The following ZKSCAN2 variants were observed in gnomAD, a reference collection of about 807,000 sequenced individuals.
The protein encoded by ZKSCAN2 is zinc finger with KRAB and SCAN domains 2.
ZKSCAN2 carries 38 observed loss-of-function variants against 90.5 expected under a neutral mutation model. The ratio of observed to expected loss-of-function variants is 0.42; its 90% confidence interval spans 0.32 to 0.55. ZKSCAN2 has a LOEUF of 0.55. Ranked by LOEUF, ZKSCAN2 falls within the 20% of genes least tolerant of loss-of-function variation. ZKSCAN2 has a pLI of 0.11. For synonymous variants in ZKSCAN2, 429 were observed against 421.6 expected (o/e 1.02, Z -0.22); for missense variants, 1,167 against 1,202.6 (o/e 0.97, Z 0.44).
At chr16:25,255,473 GA>G (rs1963087223) in intron 1 of ZKSCAN2, 81 bp from the exon 2 acceptor site, 4 of 1,416,492 alleles carry the variant, frequency 2.8e-6, no homozygotes, top group Non-Finnish European at 3.8e-6. Context: ...AGACATCAAA[GA>G]AGGACAGAGA....
intron 5 of ZKSCAN2, among the ~76,000 whole-genome samples, chr16:25,244,625 C>A (rs1456800695): frequency 1.3e-5 from 2 of 152,136 alleles, no homozygotes; most frequent in Admixed American, 1.3e-4. Flanking sequence ...ATGCAGTCCC[C>A]CAAATCTGCC....
chr16:25,254,962 ATTTT>A (rs34441096), intron 2 of ZKSCAN2, among the ~76,000 whole-genome samples: 1 of 145,372 alleles, frequency 6.9e-6, no homozygotes. Context: ...CCTGGCTAAT[ATTTT>A]TTTTTTTTTT....
In ZKSCAN2 at chr16:25,257,609, A is replaced by T; in HGVS notation, c.-482T>A. The T allele has an allele frequency of 4.1e-6, 3 of 723,602 alleles. No homozygotes were observed. The highest frequency in any genetic ancestry group is 5.1e-6 in the Non-Finnish European group (3 of 590,770). The allele number at this position is 723,602 out of a possible 1,614,324, so 44.8% of individuals were successfully genotyped here. A position where few individuals can be genotyped will look rare whatever the true frequency, so the allele number is the denominator to read the frequency against. On this transcript the variant is annotated 5_prime_UTR_variant, in exon 1 of 7. Transcript: ENST00000328086. ...GGGCTCGGGTCACCGCAGCACGTCC[A>T]GGCCGCCGCGGGTGCCGCTGGGGCC... is the stretch of plus-strand genomic sequence containing the variant.
Position 25,257,501 on chromosome 16 carries a change from C to T in ZKSCAN2, c.-374G>A, listed in dbSNP as rs1963127456. 8 of 998,514 alleles carry T rather than the reference C, an allele frequency of 8.0e-6. No homozygotes were observed. Among genetic ancestry groups the T allele is most frequent in the South Asian group, 4.6e-5 (1 of 21,622 alleles). The allele number at this position is 998,514 out of a possible 1,614,324, so 61.9% of individuals were successfully genotyped here. ...CAGCCGGGCCGGGAGGGGGTGTGTC[C>T]GCTACTCCCGGGTCGGGCGCGGAGA... On this transcript the variant is annotated 5_prime_UTR_variant, in exon 1 of 7. Transcript: ENST00000328086.
In ZKSCAN2 at chr16:25,256,808, T is replaced by C. The variant is rs769362356; in HGVS notation, c.320A>G (p.Lys107Arg). ...LPEKIQAWAQ[K>R]QCPQSGEEAV... ...TTCCTCTCCACTTTGCGGACACTGC[T>C]TCTGTGCCCAAGCCTGAATCTTCTC... The change falls in exon 1 of 7, where the codon AAG becomes AGG. Residue 107 changes from lysine to arginine, a missense_variant. Coordinates refer to ENST00000328086, the MANE Select transcript of ZKSCAN2 (RefSeq NM_001012981.5). 6.2e-7 allele frequency: 1 copy of C among 1,614,210 alleles called. No individual in the cohort carries two copies. Among genetic ancestry groups the C allele is most frequent in the Non-Finnish European group, 8.5e-7 (1 of 1,180,038 alleles).
At position 25,251,953 on chromosome 16, in the gene ZKSCAN2, TAGAGGTC is replaced by T; in HGVS notation, c.754_760del (p.Asp252ThrfsTer25). On this transcript the variant is annotated frameshift_variant, in exon 4 of 7. Transcript: ENST00000328086. LOFTEE classifies it high-confidence loss of function. The stretch of plus-strand genomic sequence containing the variant: ...AACATTCTCCTTCCTGAAATCCCGG[TAGAGGTC>T]CCTTTGGGCAGGAATCTGATGCACA... 6.2e-7 allele frequency: 1 copy of T among 1,614,022 alleles called. No homozygotes were observed. The highest frequency in any genetic ancestry group is 8.5e-7 in the Non-Finnish European group (1 of 1,179,974).
chr16:25,251,773 G>T, intron 4 of ZKSCAN2, 136 bp downstream of exon 4: 1 of 954,438 alleles, frequency 1.0e-6, no homozygotes, highest in Non-Finnish European at 1.5e-6. Flanking sequence ...AAGAGAACCT[G>T]GCTAAGTGAT....
chr16:25,241,573 C>G (rs747099557), intron 6 of ZKSCAN2, among the ~76,000 whole-genome samples: 1 of 152,230 alleles, frequency 6.6e-6, no homozygotes. Flanking sequence ...TTCATTTCCA[C>G]GCCCACATAC....
In ZKSCAN2 at chr16:25,246,785, C is replaced by T; in HGVS notation, c.1411G>A (p.Asp471Asn). The T allele has an allele frequency of 6.2e-7, 1 of 1,614,210 alleles. No individual in the cohort carries two copies. The highest frequency in any genetic ancestry group is 8.5e-7 in the Non-Finnish European group (1 of 1,180,040). ...AATTCGATGCCTATTTCATCATCAT[C>T]AGAATCTTCTGCAGCTTCCTCCTCC... ...VEEEEAAEDS[D>N]DDEIGIEFIR... The change falls in exon 5 of 7, where the codon GAT (aspartate) becomes AAT (asparagine). Residue 471 changes from aspartate (D) to asparagine (N), a missense_variant. By Grantham distance (23) the Asp-to-Asn change is conservative. Transcript: ENST00000328086.
At chr16:25,248,903 T>C (rs1447578930) in intron 4 of ZKSCAN2, among the ~76,000 whole-genome samples, 3 of 152,186 alleles carry the variant, frequency 2.0e-5, no homozygotes, top group East Asian at 3.8e-4. Flanking sequence ...GGAGGCTGAA[T>C]GGATAAAGAA....
In ZKSCAN2 at chr16:25,244,121, G is replaced by A; in HGVS notation, c.1645C>T (p.Gln549Ter). ...RECGFLRTPE[Q>*]CRTKFKSLQK... ...AGGCTTTTGAACTTGGTTCGGCACT[G>A]TTCTGGTGTCCGGAGGAAGCCGCAC... The change falls in exon 6 of 7, where the codon CAG becomes TAG. Residue 549 changes from glutamine to a stop codon, truncating the protein, a stop_gained. Coordinates refer to ENST00000328086, the MANE Select transcript of ZKSCAN2 (RefSeq NM_001012981.5). LOFTEE classifies it high-confidence loss of function. The A allele has an allele frequency of 6.2e-7, 1 of 1,614,146 alleles. No individual in the cohort carries two copies.
chr16:25,256,036 C>G (rs537148257), intron 1 of ZKSCAN2, among the ~76,000 whole-genome samples: 1 of 152,304 alleles, frequency 6.6e-6, no homozygotes, highest in South Asian at 2.1e-4. Context: ...TGAAAACTTA[C>G]AAAATTAATA....
chr16:25,245,056 G>A lies in ZKSCAN2; in HGVS notation c.1490-780C>T, dbSNP rs116900615. On this transcript the variant is annotated intron_variant, in intron 5 of 6. Coordinates refer to ENST00000328086, the MANE Select transcript of ZKSCAN2 (RefSeq NM_001012981.5). ...CCAGCCTCATGTTGATGGATTTTCA[G>A]ATTGGTGAGACCTGTCTAGGCATAA... Among the ~76,000 whole-genome samples the A allele has an allele frequency of 4.5e-4, 68 of 152,294 alleles. No individual in the cohort carries two copies. The East Asian group carries it at 0.013, about 28-fold the overall frequency.
At chr16:25,243,750 C>A in intron 6 of ZKSCAN2, 35 bp downstream of exon 6, 2 of 980,098 alleles carry the variant, frequency 2.0e-6, no homozygotes, top group South Asian at 4.1e-5. Flanking sequence ...ACTTATTCCT[C>A]TTTTGGACTA....
intron 6 of ZKSCAN2, among the ~76,000 whole-genome samples, chr16:25,242,655 T>G (rs890599727): frequency 6.6e-6 from 1 of 152,156 alleles, no homozygotes; most frequent in African/African-American, 2.4e-5. Context: ...AAAGTTTGGA[T>G]GTGAAAGAGC....
At chr16:25,241,574 G>A (rs971679844) in intron 6 of ZKSCAN2, among the ~76,000 whole-genome samples, 4 of 151,998 alleles carry the variant, frequency 2.6e-5, no homozygotes, top group African/African-American at 4.8e-5. Context: ...TCATTTCCAC[G>A]CCCACATACT....
chr16:25,256,796 T>C lies in ZKSCAN2; in HGVS notation c.332A>G (p.Gln111Arg), dbSNP rs1199351883. Residue 111 changes from glutamine to arginine, a missense_variant, in exon 1 of 7, where the codon CAA (glutamine) becomes CGA (arginine). Transcript: ENST00000328086. ...CAGGGCCACCGCTTCCTCTCCACTT[T>C]GCGGACACTGCTTCTGTGCCCAAGC... ...IQAWAQKQCP[Q>R]SGEEAVALVV... The C allele has an allele frequency of 1.2e-6, 2 of 1,614,188 alleles. No homozygotes were observed. Among genetic ancestry groups the C allele is most frequent in the South Asian group, 2.2e-5 (2 of 91,074 alleles).
Position 25,244,237 on chromosome 16 carries a change from T to A in ZKSCAN2, c.1529A>T (p.Asp510Val). ...ATAAAACCGAGTCTCACGGAGGATA[T>A]CAAGAAAAGTCTTGGTTTCTTCATA... ...WGYEETKTFLDILRETRFYEA... is the reference protein window; with the variant it reads ...WGYEETKTFLVILRETRFYEA... Residue 510 changes from aspartate (D) to valine (V), a missense_variant, in exon 6 of 7, where the codon GAT (aspartate) becomes GTT (valine). Transcript: ENST00000328086. The A allele has an allele frequency of 6.2e-7, 1 of 1,613,958 alleles. No homozygotes were observed. Among genetic ancestry groups the A allele is most frequent in the Non-Finnish European group, 8.5e-7 (1 of 1,179,886 alleles).
chr16:25,255,488 G>T, intron 1 of ZKSCAN2, 96 bp from the exon 2 acceptor site: 2 of 1,335,876 alleles, frequency 1.5e-6, no homozygotes, highest in Non-Finnish European at 2.0e-6. Flanking sequence ...ACAGAGACAT[G>T]AGAAGGAATG....
Sources: allele counts gnomAD v4.1 joint callset (sites outside exome capture counted in the v4.1 genomes callset), GRCh38; gene constraint gnomAD v4.1.1; transcripts MANE v1.5; gene names NCBI Gene and HGNC (gene_info 2026-07-23, HGNC 2026-07-21).